TCF12: variants seen among roughly 807,000 people sequenced by gnomAD.
TCF12 encodes the protein transcription factor 12.
Under a neutral mutation model 86.0 loss-of-function variants are expected in TCF12, and 45 were observed. The observed-to-expected ratio is 0.52, with a 90% CI of 0.41 to 0.67. TCF12 has a LOEUF of 0.67. Among genes scored for constraint, TCF12 ranks in the 30% least tolerant of loss-of-function variants. TCF12 has a pLI of 0.00. For synonymous variants in TCF12, 330 were observed against 299.6 expected, an observed-to-expected ratio of 1.10 and a Z score of -1.05; for missense variants, 881 against 859.9, an observed-to-expected ratio of 1.02 and a Z score of -0.31.
At position 57,192,108 on chromosome 15, in the gene TCF12, G is replaced by C. The variant is rs554405829; in HGVS notation, c.391-50G>C. On this transcript the variant is annotated intron_variant, in intron 6 of 20. Coordinates refer to ENST00000333725, the MANE Select transcript of TCF12 (RefSeq NM_207037.2). ...CAGAAGTGATGAAATTTTCAGGTTT[G>C]GGTCAGTATCAGCAGGAAAATAACT... is the stretch of plus-strand genomic sequence containing the variant. 2.4e-5 allele frequency: 38 copies of C among 1,597,094 alleles called. No homozygotes were observed. In the South Asian group the frequency reaches 4.3e-4, roughly 18 times the overall value.
chr15:57,115,453 A>G (rs16977246), intron 5 of TCF12, among the ~76,000 whole-genome samples: 11,889 of 152,282 alleles, frequency 0.078, 556 homozygotes, highest in African/African-American at 0.13. Context: ...AACTATTATT[A>G]CCTGCATACT....
intron 5 of TCF12, among the ~76,000 whole-genome samples, chr15:57,135,291 T>C (rs1053688485): frequency 6.6e-6 from 1 of 152,172 alleles, no homozygotes; most frequent in Non-Finnish European, 1.5e-5. Flanking sequence ...GAACTTTTTT[T>C]AAAAGAATCA....
intron 6 of TCF12, among the ~76,000 whole-genome samples, chr15:57,167,007 C>A (rs1316819372): frequency 1.3e-5 from 2 of 152,074 alleles, no homozygotes; most frequent in Non-Finnish European, 2.9e-5. Flanking sequence ...ACTGAGAATC[C>A]TGAACACACA....
chr15:57,025,146 C>T (rs1003745539), intron 3 of TCF12, among the ~76,000 whole-genome samples: 7 of 151,928 alleles, frequency 4.6e-5, no homozygotes, highest in African/African-American at 1.5e-4. Context: ...GTGGCACGAT[C>T]GCAGCTCATT....
rs112764120 is a variant in TCF12 at position 57,193,042 on chromosome 15, A to C, written c.526+749A>C. Among the ~76,000 whole-genome samples, 12 of 152,310 alleles carry C rather than the reference A, an allele frequency of 7.9e-5. 1 individual carries two copies. The highest frequency in any genetic ancestry group is 2.9e-4 in the African/African-American group (12 of 41,570). On this transcript the variant is annotated intron_variant, in intron 7 of 20. Coordinates refer to ENST00000333725, the MANE Select transcript of TCF12 (RefSeq NM_207037.2). ...ATAACTTAATTCTTTACTAAAAATG[A>C]TATAACAAAATTTGCAAGGTGGTTT...
At chr15:57,285,142 C>T (rs1249724457) in intron 20 of TCF12, among the ~76,000 whole-genome samples, 2 of 152,154 alleles carry the variant, frequency 1.3e-5, no homozygotes, top group Non-Finnish European at 2.9e-5. Flanking sequence ...GCAGCAGGAA[C>T]AATGCTACTA....
intron 5 of TCF12, among the ~76,000 whole-genome samples, chr15:57,142,605 A>T (rs538290878): frequency 8.5e-5 from 13 of 152,372 alleles, no homozygotes; most frequent in African/African-American, 3.1e-4. Flanking sequence ...AATTATGCTG[A>T]TAAATGAATA....
intron 6 of TCF12, among the ~76,000 whole-genome samples, chr15:57,174,961 G>A (rs1421255945): frequency 1.3e-5 from 2 of 151,174 alleles, no homozygotes; most frequent in Admixed American, 1.3e-4. Flanking sequence ...TTTAGGGGAA[G>A]AAAACAAAAC....
intron 19 of TCF12, among the ~76,000 whole-genome samples, chr15:57,280,241 G>C (rs1396820247): frequency 6.6e-6 from 1 of 151,894 alleles, no homozygotes; most frequent in Non-Finnish European, 1.5e-5. Context: ...TTATTTGTTA[G>C]AGGTGCACAA....
intron 4 of TCF12, among the ~76,000 whole-genome samples, chr15:57,065,622 C>T (rs71441454): frequency 6.7e-6 from 1 of 148,612 alleles, no homozygotes; most frequent in Non-Finnish European, 1.5e-5. Context: ...TTCTTCACCG[C>T]CCCGCCCCCC....
chr15:57,170,277 T>G (rs1014002309), intron 6 of TCF12, among the ~76,000 whole-genome samples: 1 of 151,526 alleles, frequency 6.6e-6, no homozygotes, highest in Non-Finnish European at 1.5e-5. Flanking sequence ...ATTAAAAATT[T>G]TTTTTTTTTT....
Position 57,172,365 on chromosome 15 carries a change from CA to C in TCF12, c.390+5903del, listed in dbSNP as rs1443946491. On this transcript the variant is annotated intron_variant, in intron 6 of 20. Coordinates refer to ENST00000333725, the MANE Select transcript of TCF12 (RefSeq NM_207037.2). The stretch of plus-strand genomic sequence containing the variant: ...CAAAAAACTTAGTAAAGATGTAGAA[CA>C]AAATTAACTATCGACAACCTTGACC... 5.3e-5 allele frequency among the ~76,000 whole-genome samples: 8 copies of C among 152,230 alleles called. No individual in the cohort carries two copies. In the South Asian group the frequency reaches 1.0e-3, roughly 20 times the overall value.
chr15:57,016,875 G>A (rs2065181571), intron 3 of TCF12, among the ~76,000 whole-genome samples: 1 of 152,134 alleles, frequency 6.6e-6, no homozygotes, highest in Non-Finnish European at 1.5e-5. Context: ...CAGAGCAAAA[G>A]TCAGCCATAC....
intron 3 of TCF12, among the ~76,000 whole-genome samples, chr15:57,024,245 C>T (rs1401706390): frequency 7.9e-5 from 9 of 114,556 alleles, no homozygotes; most frequent in South Asian, 2.8e-4. Flanking sequence ...TTTTTTGAGA[C>T]GGAGTCTCGC....
At chr15:57,097,597 C>G (rs1471611046) in intron 5 of TCF12, among the ~76,000 whole-genome samples, 1 of 151,994 alleles carries the variant, frequency 6.6e-6, no homozygotes, top group Non-Finnish European at 1.5e-5. Flanking sequence ...AGATGAGATA[C>G]TGAAAATGAT....
intron 6 of TCF12, among the ~76,000 whole-genome samples, chr15:57,191,231 A>C (rs548950882): frequency 6.6e-6 from 1 of 152,316 alleles, no homozygotes; most frequent in East Asian, 1.9e-4. Context: ...TGTTAGGCCA[A>C]GGTGGGAAGA....
chr15:57,102,444 C>G (rs1214514354), intron 5 of TCF12, among the ~76,000 whole-genome samples: 5 of 151,878 alleles, frequency 3.3e-5, no homozygotes, highest in Non-Finnish European at 7.4e-5. Context: ...CTAAAAATAC[C>G]AAAATTAGCT....
At chr15:57,211,182 A>G (rs2151818447) in intron 8 of TCF12, among the ~76,000 whole-genome samples, 1 of 152,388 alleles carries the variant, frequency 6.6e-6, no homozygotes, top group African/African-American at 2.4e-5. Flanking sequence ...AAATTAAACA[A>G]TGACAAAGTT....
At chr15:57,002,797 T>C (rs1418758322) in intron 3 of TCF12, among the ~76,000 whole-genome samples, 1 of 152,246 alleles carries the variant, frequency 6.6e-6, no homozygotes, top group Non-Finnish European at 1.5e-5. Flanking sequence ...GCGCTTCTCA[T>C]GCTGTACTAC....
Sources: gnomAD v4.1 joint callset for allele counts (sites outside exome capture counted in the v4.1 genomes callset) on GRCh38, gnomAD v4.1.1 for gene constraint, MANE v1.5 for transcripts, NCBI Gene and HGNC (gene_info 2026-07-23, HGNC 2026-07-21) for gene names.